TFDP1: variants seen among roughly 807,000 people sequenced by gnomAD.
The protein encoded by TFDP1 is DRTF1-polypeptide 1.
Under a neutral mutation model 48.0 loss-of-function variants are expected in TFDP1, and 6 were observed. The ratio of observed to expected loss-of-function variants is 0.13; its 90% confidence interval spans 0.07 to 0.25. The LOEUF is 0.25. Ranked by LOEUF, TFDP1 falls within the 10% of genes least tolerant of loss-of-function variation. TFDP1 has a pLI of 1.00. For missense variants in TFDP1, 335 were observed against 543.0 expected, an observed-to-expected ratio of 0.62 and a Z score of 3.81; for synonymous variants, 201 against 211.6, an observed-to-expected ratio of 0.95 and a Z score of 0.44.
chr13:113,637,194 T>C (rs1259677276), intron 10 of TFDP1: 2 of 180,314 alleles, frequency 1.1e-5, no homozygotes, highest in African/African-American at 2.4e-5. Flanking sequence ...GTGAATTCTT[T>C]CCTTGGGGGC....
chr13:113,585,752 CTTTTTTT>C lies in TFDP1; in HGVS notation c.-64-12_-64-6del. The C allele has an allele frequency of 9.2e-7, 1 of 1,091,656 alleles. No homozygotes were observed. Among genetic ancestry groups the C allele is most frequent in the South Asian group, 1.6e-5 (1 of 62,646 alleles). 67.6% of individuals were successfully genotyped at this position (1,091,656 alleles called of 1,614,324 possible). ...CTTACTTATTTCTTGTTTTTCCTTA[CTTTTTTT>C]TTTTTTTTTACCAGAAAAATCATTT... On this transcript the variant is annotated splice_polypyrimidine_tract_variant and intron_variant, in intron 1 of 11. Coordinates refer to ENST00000375370, the MANE Select transcript of TFDP1 (RefSeq NM_007111.5).
At chr13:113,614,565 G>A (rs2048809879) in intron 3 of TFDP1, among the ~76,000 whole-genome samples, 1 of 152,216 alleles carries the variant, frequency 6.6e-6, no homozygotes, top group South Asian at 2.1e-4. Flanking sequence ...AGGTGAGAGT[G>A]GATCAGGGGA....
intron 3 of TFDP1, among the ~76,000 whole-genome samples, chr13:113,614,187 GTA>G (rs1022321775): frequency 2.3e-4 from 35 of 151,646 alleles, no homozygotes; most frequent in African/African-American, 4.6e-4. Flanking sequence ...TGAATGAGTT[GTA>G]TGTGTGTGTT....
intron 2 of TFDP1, among the ~76,000 whole-genome samples, chr13:113,605,897 AAGGCGG>A (rs2048553729): frequency 7.9e-6 from 1 of 126,106 alleles, no homozygotes; most frequent in East Asian, 2.7e-4. Context: ...ATGAGTGTCC[AAGGCGG>A]CGCGGTGATG....
intron 2 of TFDP1, among the ~76,000 whole-genome samples, chr13:113,602,593 G>GTC (rs1344796009): frequency 6.6e-6 from 1 of 152,240 alleles, no homozygotes; most frequent in African/African-American, 2.4e-5. Context: ...CCTCAGTGCA[G>GTC]CTGGGTCACT....
At chr13:113,616,345 G>T (rs1340755659) in intron 3 of TFDP1, among the ~76,000 whole-genome samples, 1 of 152,088 alleles carries the variant, frequency 6.6e-6, no homozygotes, top group East Asian at 1.9e-4. Context: ...TCACGGTTTC[G>T]GTGGCTGCGT....
At chr13:113,589,270 G>A (rs1209106889) in intron 2 of TFDP1, among the ~76,000 whole-genome samples, 1 of 152,178 alleles carries the variant, frequency 6.6e-6, no homozygotes, top group Non-Finnish European at 1.5e-5. Context: ...GGAGAATGTG[G>A]AGAACAGGAG....
In TFDP1 at chr13:113,627,360, A is replaced by C. The variant is rs2049208206; in HGVS notation, c.186+4074A>C. The stretch of plus-strand genomic sequence containing the variant: ...ACATATGTGCTCAGCCGGCAGGAGC[A>C]GCGGCCTGTGTGAGCCCCTGGGGAG... On this transcript the variant is annotated intron_variant, in intron 4 of 11. Coordinates refer to ENST00000375370, the MANE Select transcript of TFDP1 (RefSeq NM_007111.5). The surrounding 1 kb of genome is among the most constrained non-coding windows in gnomAD (Gnocchi z 4.1). 6.6e-6 allele frequency among the ~76,000 whole-genome samples: 1 copy of C among 152,212 alleles called. No individual in the cohort carries two copies. Among genetic ancestry groups the C allele is most frequent in the South Asian group, 2.1e-4 (1 of 4,838 alleles).
At chr13:113,636,724 G>C in intron 10 of TFDP1, 24 bp downstream of exon 10, 1 of 1,607,436 alleles carries the variant, frequency 6.2e-7, no homozygotes, top group Non-Finnish European at 8.5e-7. Context: ...AGACAACCTG[G>C]CGTGGCTGTG....
At chr13:113,593,194 G>A (rs932781053) in intron 2 of TFDP1, among the ~76,000 whole-genome samples, 1 of 136,954 alleles carries the variant, frequency 7.3e-6, no homozygotes, top group Admixed American at 7.7e-5. Context: ...CAGGTGTGCT[G>A]TGTGCTGATC....
At position 113,636,763 on chromosome 13, in the gene TFDP1, G is replaced by A. The variant is rs148514816; in HGVS notation, c.1006+63G>A. 813 of 1,560,594 alleles carry A rather than the reference G, an allele frequency of 5.2e-4. 3 individuals carry two copies. In the African/African-American group the frequency reaches 0.01, roughly 19 times the overall value. On this transcript the variant is annotated intron_variant, in intron 10 of 11. Coordinates refer to ENST00000375370, the MANE Select transcript of TFDP1 (RefSeq NM_007111.5). ...GGAATGGCCCCCAGCCTCCGACGGT[G>A]CCCTCCCCTCCCGGCTCGGGATGTG...
chr13:113,593,683 T>C (rs1199506908), intron 2 of TFDP1, among the ~76,000 whole-genome samples: 35 of 105,566 alleles, frequency 3.3e-4, no homozygotes, highest in South Asian at 1.1e-3. Flanking sequence ...GGTCCTCAGC[T>C]GTGCCCAGGT....
chr13:113,603,670 A>G (rs919164857), intron 2 of TFDP1, among the ~76,000 whole-genome samples: 5 of 152,220 alleles, frequency 3.3e-5, no homozygotes, highest in Non-Finnish European at 7.3e-5. Context: ...AGAATAATCT[A>G]CTGTTATCTC....
At chr13:113,618,664 C>T (rs1159964318) in intron 3 of TFDP1, among the ~76,000 whole-genome samples, 4 of 152,224 alleles carry the variant, frequency 2.6e-5, no homozygotes, top group South Asian at 2.1e-4. Context: ...TCTGGGACAG[C>T]GGCCGCTGGG....
chr13:113,637,336 C>CGTATCATTAAAAAA, intron 10 of TFDP1: 11 of 292,832 alleles, frequency 3.8e-5, no homozygotes, highest in East Asian at 9.7e-5. Flanking sequence ...TCAGAGATTC[C>CGTATCATTAAAAAA]TCCCTGAGCT....
chr13:113,596,752 A>T (rs1594417892), intron 2 of TFDP1, among the ~76,000 whole-genome samples: 1 of 152,080 alleles, frequency 6.6e-6, no homozygotes, highest in Non-Finnish European at 1.5e-5. Context: ...GTGGAAGGGG[A>T]TGAAGGTGGT....
chr13:113,606,832 T>G (rs1336855728), intron 2 of TFDP1, among the ~76,000 whole-genome samples: 1 of 152,170 alleles, frequency 6.6e-6, no homozygotes, highest in Non-Finnish European at 1.5e-5. Context: ...AAACTCGGTG[T>G]GGGGTAAGCG....
intron 2 of TFDP1, among the ~76,000 whole-genome samples, chr13:113,610,537 CCTG>C (rs1302043659): frequency 6.6e-6 from 1 of 150,836 alleles, no homozygotes; most frequent in African/African-American, 2.4e-5. Flanking sequence ...CATACGTGCC[CCTG>C]CTTTGTGGCT....
intron 3 of TFDP1, among the ~76,000 whole-genome samples, chr13:113,619,822 C>T (rs1010311849): frequency 2.6e-4 from 39 of 152,124 alleles, no homozygotes; most frequent in African/African-American, 8.9e-4. Flanking sequence ...CTCAGAGGTC[C>T]TCTGTTGGTT....
Sources: gnomAD v4.1 joint callset for allele counts (sites outside exome capture counted in the v4.1 genomes callset) on GRCh38, gnomAD v4.1.1 for gene constraint, Gnocchi (gnomAD v3.1) non-coding constraint, MANE v1.5 for transcripts, NCBI Gene and HGNC (gene_info 2026-07-23, HGNC 2026-07-21) for gene names.